Variants in AFF4 observed in about 807,000 individuals in gnomAD.
AFF4 encodes ALF transcription elongation factor 4, also known as AF4/FMR2 family member 4.
A neutral mutation model predicts 124.8 loss-of-function variants in AFF4; 13 were observed. The ratio of observed to expected loss-of-function variants is 0.10; its 90% confidence interval spans 0.07 to 0.17. The LOEUF (loss-of-function observed/expected upper bound fraction) is 0.17, where lower values mean the gene tolerates loss of function less well. AFF4 is among the 10% of genes least tolerant of loss of function. AFF4 has a pLI of 1.00. For missense variants in AFF4, 1,092 were observed against 1,403.8 expected (o/e 0.78, Z 3.55); for synonymous variants, 477 against 496.1 (o/e 0.96, Z 0.51).
intron 1 of AFF4, among the ~76,000 whole-genome samples, chr5:132,953,228 GT>G (rs974751391): frequency 6.6e-6 from 1 of 151,154 alleles, no homozygotes; most frequent in East Asian, 1.9e-4. Flanking sequence ...AGAAATCTCT[GT>G]TTTTTTTAAT....
intron 5 of AFF4, among the ~76,000 whole-genome samples, chr5:132,912,071 G>A (rs1760802884): frequency 1.3e-5 from 2 of 151,436 alleles, no homozygotes; most frequent in Admixed American, 1.3e-4. Context: ...TAGTAAAATG[G>A]GCCAGGTGCG....
chr5:132,952,851 T>G (rs1203642920), intron 1 of AFF4, among the ~76,000 whole-genome samples: 2 of 152,100 alleles, frequency 1.3e-5, no homozygotes, highest in Non-Finnish European at 2.9e-5. Context: ...TGAGCCAAGA[T>G]CGTACCACTG....
chr5:132,935,002 T>C, intron 2 of AFF4, 61 bp from the exon 3 acceptor site: 1 of 1,347,654 alleles, frequency 7.4e-7, no homozygotes, highest in Admixed American at 2.6e-5. Flanking sequence ...TAAAATATAA[T>C]TCTGAACTAA....
intron 1 of AFF4, among the ~76,000 whole-genome samples, chr5:132,957,937 A>G (rs1761998666): frequency 1.3e-5 from 2 of 152,162 alleles, no homozygotes; most frequent in Admixed American, 1.3e-4. Context: ...ATAGATTAAA[A>G]GAAAAAAGTA....
At chr5:132,904,102 A>T (rs977545389) in intron 6 of AFF4, 20 of 354,284 alleles carry the variant, frequency 5.6e-5, no homozygotes, top group South Asian at 1.1e-4. Context: ...CTAAAAATTT[A>T]AAAAATCAGC....
intron 4 of AFF4, among the ~76,000 whole-genome samples, chr5:132,931,221 A>G (rs1240726703): frequency 6.6e-6 from 1 of 151,880 alleles, no homozygotes; most frequent in Non-Finnish European, 1.5e-5. Flanking sequence ...TGGAGGTCAG[A>G]AGTTCAAGAC....
chr5:132,939,439 A>G (rs1020088109), intron 1 of AFF4, among the ~76,000 whole-genome samples: 6 of 152,206 alleles, frequency 3.9e-5, no homozygotes, highest in Admixed American at 2.0e-4. Context: ...AGAACATATT[A>G]TACTCCATCA....
Position 132,881,135 on chromosome 5 carries a change from C to T in AFF4, c.3416G>A (p.Ser1139Asn). 1 of 1,614,196 alleles carries T rather than the reference C, an allele frequency of 6.2e-7. No individual in the cohort carries two copies. Among genetic ancestry groups the T allele is most frequent in the East Asian group, 2.2e-5 (1 of 44,886 alleles). ...KVMGPLIFNA[S>N]IMTDLVRYTR... is the part of the protein sequence containing the mutation. ...ATAACGAACTAGATCTGTCATGATG[C>T]TTGCATTAAAGATGAGAGGGCCCAT... The change falls in exon 21 of 21, where the codon AGC becomes AAC. Residue 1139 changes from serine to asparagine, a missense_variant. By Grantham distance (46) the Ser-to-Asn change is conservative. Transcript: ENST00000265343.
At chr5:132,923,239 T>C (rs1761092713) in intron 5 of AFF4, among the ~76,000 whole-genome samples, 1 of 152,022 alleles carries the variant, frequency 6.6e-6, no homozygotes, top group African/African-American at 2.4e-5. Flanking sequence ...TAGTTCCCGC[T>C]ACTCAGGAGG....
intron 2 of AFF4, among the ~76,000 whole-genome samples, chr5:132,936,597 A>AG (rs1459413931): frequency 2.6e-5 from 4 of 152,242 alleles, no homozygotes; most frequent in Non-Finnish European, 5.9e-5. Context: ...AAGAACACCT[A>AG]GGAAAAATCA....
Position 132,897,074 on chromosome 5 carries a change from C to T in AFF4, c.1556G>A (p.Ser519Asn), listed in dbSNP as rs1282010386. Residue 519 changes from serine to asparagine, a missense_variant, in exon 11 of 21, where the codon AGT becomes AAT. This residue lies in a region of AFF4 where 174 missense variants were observed against 205.9 expected (regional missense o/e 0.84). Transcript: ENST00000265343. The stretch of plus-strand genomic sequence containing the variant: ...AGCGGAACTCGTTTCTTTAGGTCCA[C>T]TTGTATCAGTGTAGCTATTCCCAGT... ...QGTGNSYTDT[S>N]GPKETSSATP... 4 of 1,614,170 alleles carry T rather than the reference C, an allele frequency of 2.5e-6. No individual in the cohort carries two copies. The highest frequency in any genetic ancestry group is 3.4e-6 in the Non-Finnish European group (4 of 1,180,032).
intron 5 of AFF4, among the ~76,000 whole-genome samples, chr5:132,916,921 T>G (rs879690501): frequency 5.3e-5 from 8 of 150,964 alleles, no homozygotes; most frequent in African/African-American, 9.7e-5. Flanking sequence ...ACGTTTTTTG[T>G]TTTTTTTTGT....
Position 132,963,472 on chromosome 5 carries a change from A to G in AFF4, c.-218T>C. The stretch of plus-strand genomic sequence containing the variant: ...GCGGCAGCGATGCGCCTCACACGGA[A>G]CAGGCGTAGGCCCCGCACCGCTCCA... On this transcript the variant is annotated 5_prime_UTR_variant, in exon 1 of 21. Transcript: ENST00000265343. The G allele has an allele frequency of 5.0e-6, 2 of 398,012 alleles. No homozygotes were observed. 24.7% of individuals were successfully genotyped at this position (398,012 alleles called of 1,614,324 possible).
intron 11 of AFF4, among the ~76,000 whole-genome samples, chr5:132,893,857 C>T (rs1319911624): frequency 6.6e-6 from 1 of 152,142 alleles, no homozygotes; most frequent in Non-Finnish European, 1.5e-5. Context: ...TCCTCCTCCC[C>T]CAGACACTGG....
In AFF4 at chr5:132,887,854, A is replaced by C. The variant is rs1760154673; in HGVS notation, c.2925T>G (p.Asp975Glu). The C allele has an allele frequency of 6.2e-7, 1 of 1,613,236 alleles. No homozygotes were observed. Among genetic ancestry groups the C allele is most frequent in the Non-Finnish European group, 8.5e-7 (1 of 1,179,806 alleles). Reference protein sequence around the residue: ...SPFPMYSETVDLIKYTMKLKN... With the variant: ...SPFPMYSETVELIKYTMKLKN... ...CAAGTTTTTCCACTTACTTGATGAG[A>C]TCCACCGTCTCTGAATACATAGGGA... is the stretch of plus-strand genomic sequence containing the variant. The change falls in exon 16 of 21, where the codon GAT becomes GAG. Residue 975 changes from aspartate (D) to glutamate (E), a missense_variant. By Grantham distance (45) the Asp-to-Glu change is conservative. Transcript: ENST00000265343.
In AFF4 at chr5:132,879,014, C is replaced by A; in HGVS notation, c.*2045G>T. Reference sequence around the variant, plus strand: ...CCATTATTTCTTACTAAATAACTATCATGATCATTGAGAAGTTGTCCTCTT... The same window carrying A: ...CCATTATTTCTTACTAAATAACTATAATGATCATTGAGAAGTTGTCCTCTT... On this transcript the variant is annotated 3_prime_UTR_variant, in exon 21 of 21. Transcript: ENST00000265343. 1 of 222,532 alleles carries A rather than the reference C, an allele frequency of 4.5e-6. No homozygotes were observed. The highest frequency in any genetic ancestry group is 9.0e-6 in the Non-Finnish European group (1 of 111,478). 13.8% of individuals were successfully genotyped at this position (222,532 alleles called of 1,614,324 possible).
intron 7 of AFF4, 56 bp from the exon 8 acceptor site, chr5:132,899,697 GAGTACTAAATATCTACTAAAA>G (rs1760501157): frequency 2.7e-6 from 4 of 1,471,034 alleles, no homozygotes; most frequent in Non-Finnish European, 3.8e-6. Flanking sequence ...TGGTATGCCA[GAGTACTAAATATCTACTAAAA>G]ATTCTAGAAA....
chr5:132,955,058 GA>G (rs1313342764), intron 1 of AFF4, among the ~76,000 whole-genome samples: 2 of 152,266 alleles, frequency 1.3e-5, no homozygotes, highest in East Asian at 3.9e-4. Flanking sequence ...TGGGGAGCTG[GA>G]AAAGGGATGG....
intron 4 of AFF4, among the ~76,000 whole-genome samples, chr5:132,928,448 C>T (rs1331032523): frequency 6.6e-6 from 1 of 152,090 alleles, no homozygotes; most frequent in East Asian, 1.9e-4. Context: ...TCTTTGTAGC[C>T]AAGGATAATT....
Sources: allele counts gnomAD v4.1 joint callset (sites outside exome capture counted in the v4.1 genomes callset), GRCh38; gene constraint gnomAD v4.1.1; regional missense constraint gnomAD v4.1.1; transcripts MANE v1.5; gene names NCBI Gene and HGNC (gene_info 2026-07-23, HGNC 2026-07-21).